TEX29: variants seen among roughly 807,000 people sequenced by gnomAD.
TEX29 encodes testis expressed 29, also known as testis-expressed protein 29.
In TEX29, 26 loss-of-function variants were observed where a neutral mutation model predicts 18.2. The ratio of observed to expected loss-of-function variants is 1.43; its 90% CI spans 1.04 to 1.98. The LOEUF is 1.98. Ranked by LOEUF, TEX29 falls within the 30% of genes most tolerant of loss-of-function variation. The pLI, the probability that TEX29 is intolerant of heterozygous loss-of-function variation, is 0.00. For missense variants in TEX29, 177 were observed against 194.2 expected, an observed-to-expected ratio of 0.91 and a Z score of 0.53; for synonymous variants, 83 against 78.5, an observed-to-expected ratio of 1.06 and a Z score of -0.31.
chr13:111,329,868 T>C (rs962280424), intron 3 of TEX29, among the ~76,000 whole-genome samples: 16 of 152,232 alleles, frequency 1.1e-4, no homozygotes, highest in Admixed American at 3.3e-4. Context: ...CGCCTTCAGG[T>C]GATCTCTGGC....
At chr13:111,335,147 G>A (rs1477084306) in intron 3 of TEX29, among the ~76,000 whole-genome samples, 3 of 152,180 alleles carry the variant, frequency 2.0e-5, no homozygotes, top group Non-Finnish European at 4.4e-5. Flanking sequence ...TGGCAGGGGG[G>A]TTCTCGCTCT....
In TEX29 at chr13:111,320,658, A is replaced by C; in HGVS notation, c.-139A>C. ...CCACAGTCCATAGTGAGCGGCAGACAGAGGGGTGGCCAGTTTGTTGTTTTA... is the reference window on the plus strand; with the variant it reads ...CCACAGTCCATAGTGAGCGGCAGACCGAGGGGTGGCCAGTTTGTTGTTTTA... On this transcript the variant is annotated 5_prime_UTR_variant, in exon 1 of 6. Coordinates refer to ENST00000283547, the MANE Select transcript of TEX29 (RefSeq NM_152324.3). 5 of 574,150 alleles carry C rather than the reference A, an allele frequency of 8.7e-6. No individual in the cohort carries two copies. The highest frequency in any genetic ancestry group is 3.0e-5 in the East Asian group (1 of 32,878). 35.6% of individuals were successfully genotyped at this position (574,150 alleles called of 1,614,324 possible). A position where few individuals can be genotyped will look rare whatever the true frequency, so the allele number is the denominator to read the frequency against.
At chr13:111,336,050 G>A (rs567553564) in intron 3 of TEX29, among the ~76,000 whole-genome samples, 5 of 152,206 alleles carry the variant, frequency 3.3e-5, no homozygotes, top group African/African-American at 7.2e-5. Context: ...CTTCATGACT[G>A]GTGTTATAAG....
chr13:111,317,902 C>T (rs182685590), upstream of TEX29, among the ~76,000 whole-genome samples: 143 of 152,326 alleles, frequency 9.4e-4, no homozygotes, highest in Non-Finnish European at 1.5e-3. Context: ...GACACCCTCC[C>T]GGTGTCTCTC....
chr13:111,322,284 G>A (rs982789171), intron 2 of TEX29, among the ~76,000 whole-genome samples: 1 of 150,060 alleles, frequency 6.7e-6, no homozygotes, highest in African/African-American at 2.4e-5. Flanking sequence ...GGAGGCCTGC[G>A]CCTGGGGCCC....
chr13:111,319,365 T>C (rs1205688227), upstream of TEX29, among the ~76,000 whole-genome samples: 26 of 152,220 alleles, frequency 1.7e-4, no homozygotes, highest in Admixed American at 1.6e-3. Context: ...GGCATGTCCC[T>C]GCAGTGGGAT....
At position 111,320,676 on chromosome 13, in the gene TEX29, T is replaced by G; in HGVS notation, c.-121T>G. 1.0e-5 allele frequency: 6 copies of G among 601,230 alleles called. No homozygotes were observed. The highest frequency in any genetic ancestry group is 5.8e-5 in the East Asian group (2 of 34,666). The allele number at this position is 601,230 out of a possible 1,614,324, so 37.2% of individuals were successfully genotyped here. On this transcript the variant is annotated 5_prime_UTR_variant, in exon 1 of 6. Transcript: ENST00000283547. The stretch of plus-strand genomic sequence containing the variant: ...GGCAGACAGAGGGGTGGCCAGTTTG[T>G]TGTTTTACCTAAAAGGTGTTTTCCA...
At chr13:111,333,048 G>C (rs2093684842) in intron 3 of TEX29, among the ~76,000 whole-genome samples, 1 of 152,182 alleles carries the variant, frequency 6.6e-6, no homozygotes, top group Non-Finnish European at 1.5e-5. Flanking sequence ...CCCTTTGAAT[G>C]TTTTATCTCA....
At chr13:111,338,876 G>C (rs919714046) in intron 3 of TEX29, among the ~76,000 whole-genome samples, 1 of 152,222 alleles carries the variant, frequency 6.6e-6, no homozygotes. Flanking sequence ...GACTCTGAGA[G>C]GAATGATGCT....
At chr13:111,318,466 C>T (rs1317066253), upstream of TEX29, among the ~76,000 whole-genome samples, 1 of 152,220 alleles carries the variant, frequency 6.6e-6, no homozygotes, top group African/African-American at 2.4e-5. Context: ...TGCTGGGTTT[C>T]ACTCTTCCAC....
At chr13:111,342,996 C>T in intron 5 of TEX29, 65 bp downstream of exon 5, 2 of 1,553,054 alleles carry the variant, frequency 1.3e-6, no homozygotes, top group Non-Finnish European at 1.8e-6. Context: ...CCTCGGGAGA[C>T]CTTCCCTGGG....
upstream of TEX29, among the ~76,000 whole-genome samples, chr13:111,320,004 T>C (rs74126306): frequency 6.1e-3 from 925 of 152,350 alleles, 8 homozygotes; most frequent in African/African-American, 0.015. Context: ...ATCCTCACCA[T>C]GACCCATGTG....
At chr13:111,321,006 A>ACCAGGGGGGGGGGGGGCG in intron 2 of TEX29, 58 bp downstream of exon 2, 1 of 880,962 alleles carries the variant, frequency 1.1e-6, no homozygotes. Flanking sequence ...GGGGGGGGGC[A>ACCAGGGGGGGGGGGGGCG]CAGGGAGGAG....
chr13:111,326,037 T>C (rs900729581), intron 2 of TEX29, among the ~76,000 whole-genome samples: 9 of 152,316 alleles, frequency 5.9e-5, no homozygotes, highest in African/African-American at 7.2e-5. Flanking sequence ...CGCCTGGCAC[T>C]GTGGAGACAG....
At chr13:111,328,052 T>C (rs2093676883) in intron 2 of TEX29, 131 bp from the exon 3 acceptor site, 3 of 612,136 alleles carry the variant, frequency 4.9e-6, no homozygotes, top group African/African-American at 3.7e-5. Context: ...GCAGGATGCG[T>C]AATTGAGAAA....
At chr13:111,328,371 C>T in intron 3 of TEX29, 78 bp downstream of exon 3, 1 of 979,930 alleles carries the variant, frequency 1.0e-6, no homozygotes, top group Non-Finnish European at 1.6e-6. Flanking sequence ...CTGCCTGTCT[C>T]CCTTCCTCGG....
At chr13:111,333,774 G>T (rs2093685908) in intron 3 of TEX29, among the ~76,000 whole-genome samples, 1 of 150,240 alleles carries the variant, frequency 6.7e-6, no homozygotes, top group Admixed American at 6.6e-5. Flanking sequence ...TGGCAGCAAG[G>T]TTGTGGGAAG....
intron 3 of TEX29, among the ~76,000 whole-genome samples, chr13:111,338,340 G>A (rs373875749): frequency 8.5e-5 from 13 of 152,188 alleles, no homozygotes; most frequent in African/African-American, 1.9e-4. Flanking sequence ...AGACAGCCAC[G>A]TGACAATAGG....
At chr13:111,321,453 G>A (rs1373876542) in intron 2 of TEX29, among the ~76,000 whole-genome samples, 6 of 152,190 alleles carry the variant, frequency 3.9e-5, no homozygotes, top group Admixed American at 3.9e-4. Flanking sequence ...TGCATAGATG[G>A]GGGATGACAG....
Sources: allele counts gnomAD v4.1 joint callset (sites outside exome capture counted in the v4.1 genomes callset), GRCh38; gene constraint gnomAD v4.1.1; transcripts MANE v1.5; gene names NCBI Gene and HGNC (gene_info 2026-07-23, HGNC 2026-07-21).